TCTN3: variants seen among roughly 807,000 people sequenced by gnomAD.
TCTN3 encodes the protein tectonic family member 3, also known as tectonic-3.
Under a neutral mutation model 71.3 loss-of-function variants are expected in TCTN3, and 57 were observed. That is an observed-to-expected ratio of 0.80 (90% CI 0.65 to 1.00). The LOEUF is 1.00. Among genes scored for constraint, TCTN3 ranks in the 50% least tolerant of loss-of-function variants. The pLI is 0.00. For missense variants in TCTN3, 696 were observed against 719.9 expected (o/e 0.97, Z 0.38); for synonymous variants, 258 against 267.8 (o/e 0.96, Z 0.36).
intron 13 of TCTN3, among the ~76,000 whole-genome samples, chr10:95,668,761 A>G (rs1165635930): frequency 6.6e-6 from 1 of 152,232 alleles, no homozygotes; most frequent in Non-Finnish European, 1.5e-5. Flanking sequence ...AATTCCCTAG[A>G]TGGCAGTACA....
chr10:95,676,014 A>T (rs2097936812), intron 13 of TCTN3, among the ~76,000 whole-genome samples: 1 of 152,226 alleles, frequency 6.6e-6, no homozygotes, highest in African/African-American at 2.4e-5. Context: ...AACCACTAAG[A>T]CAGACAGCTA....
In TCTN3 at chr10:95,693,648, G is replaced by T. The variant is rs2097955838; in HGVS notation, c.252C>A (p.Phe84Leu). ...CCCCACAACGTTTTCCCTCACCTGGGAAGAGGTCCACAGTCCTATTCCCAG... is the reference window on the plus strand; with the variant it reads ...CCCCACAACGTTTTCCCTCACCTGGTAAGAGGTCCACAGTCCTATTCCCAG... ...SAPGNRTVDL[F>L]PVLPICVCDL... The change falls in exon 1 of 14, where the codon TTC (phenylalanine) becomes TTA (leucine). Residue 84 changes from phenylalanine (F) to leucine (L), a missense_variant. Phe to Leu is a conservative substitution (Grantham distance 22). Coordinates refer to ENST00000371217, the MANE Select transcript of TCTN3 (RefSeq NM_015631.6). 6.4e-7 allele frequency: 1 copy of T among 1,550,702 alleles called. No homozygotes were observed. The highest frequency in any genetic ancestry group is 8.7e-7 in the Non-Finnish European group (1 of 1,146,760).
Position 95,663,876 on chromosome 10 carries a change from CT to C in TCTN3, c.*190del. 1 of 560,138 alleles carries C rather than the reference CT, an allele frequency of 1.8e-6. No individual in the cohort carries two copies. Among genetic ancestry groups the C allele is most frequent in the Non-Finnish European group, 3.2e-6 (1 of 316,022 alleles). The allele number at this position is 560,138 out of a possible 1,614,324, so 34.7% of individuals were successfully genotyped here. On this transcript the variant is annotated 3_prime_UTR_variant, in exon 14 of 14. Transcript: ENST00000371217. ...GGCCTGCAGAGCCCAAAGCAGAGAG[CT>C]ATGATGAATAAAATATTTTTATTGC... is the stretch of plus-strand genomic sequence containing the variant.
intron 4 of TCTN3, 76 bp downstream of exon 4, chr10:95,687,516 C>G: frequency 6.3e-7 from 1 of 1,590,414 alleles, no homozygotes; most frequent in Admixed American, 1.8e-5. Flanking sequence ...GGTAGTGCTG[C>G]AAAGTTACCT....
chr10:95,682,519 A>C, intron 12 of TCTN3, 132 bp downstream of exon 12: 2 of 1,089,436 alleles, frequency 1.8e-6, no homozygotes. Flanking sequence ...TCAAGTGGGC[A>C]TGATTTCTTA....
intron 13 of TCTN3, among the ~76,000 whole-genome samples, chr10:95,679,986 G>A (rs1026351650): frequency 1.3e-5 from 2 of 152,176 alleles, no homozygotes; most frequent in Non-Finnish European, 2.9e-5. Flanking sequence ...CTCCTAAGGC[G>A]CATAATAAAC....
intron 13 of TCTN3, among the ~76,000 whole-genome samples, chr10:95,668,486 A>G (rs543474453): frequency 7.2e-5 from 11 of 152,330 alleles, no homozygotes; most frequent in South Asian, 6.2e-4. Context: ...AGACAATGAA[A>G]GAATGCCTTC....
At chr10:95,689,872 G>C (rs923457175) in intron 3 of TCTN3, among the ~76,000 whole-genome samples, 2 of 152,230 alleles carry the variant, frequency 1.3e-5, no homozygotes, top group African/African-American at 4.8e-5. Flanking sequence ...CCAGCTTGCA[G>C]AGCCAAGAGT....
intron 3 of TCTN3, among the ~76,000 whole-genome samples, chr10:95,689,579 T>C (rs1230760806): frequency 2.6e-5 from 4 of 152,232 alleles, no homozygotes; most frequent in African/African-American, 9.6e-5. Context: ...AAAATATCTA[T>C]CTGGCTATTT....
intron 3 of TCTN3, among the ~76,000 whole-genome samples, chr10:95,690,491 G>C (rs931001835): frequency 2.6e-5 from 4 of 152,144 alleles, no homozygotes; most frequent in African/African-American, 9.7e-5. Context: ...GAAAACACTC[G>C]TGGAAAATAT....
intron 3 of TCTN3, among the ~76,000 whole-genome samples, chr10:95,689,995 AATTTT>A (rs1423613223): frequency 6.6e-5 from 10 of 151,914 alleles, no homozygotes; most frequent in Non-Finnish European, 1.5e-4. Flanking sequence ...TATTTTTTTG[AATTTT>A]ATTTTATTTT....
chr10:95,693,417 C>A lies in TCTN3; in HGVS notation c.316G>T (p.Asp106Tyr). ...PGACDINCCC[D>Y]RDCYLLHPRT... ...GGATGGAGAAGATAGCAGTCCCTGT[C>A]GCAGCAGCAATTTATATCGCAGGCT... The change falls in exon 2 of 14, where the codon GAC becomes TAC. Residue 106 changes from aspartate to tyrosine, a missense_variant. Asp to Tyr is a radical substitution (Grantham distance 160). Transcript: ENST00000371217. 1 of 1,552,016 alleles carries A rather than the reference C, an allele frequency of 6.4e-7. No individual in the cohort carries two copies. Among genetic ancestry groups the A allele is most frequent in the Non-Finnish European group, 8.7e-7 (1 of 1,147,064 alleles).
chr10:95,680,425 A>G, intron 13 of TCTN3, 47 bp downstream of exon 13: 1 of 1,557,034 alleles, frequency 6.4e-7, no homozygotes, highest in Non-Finnish European at 8.7e-7. Context: ...TGATAAGACA[A>G]TCTAGGCTTT....
intron 13 of TCTN3, among the ~76,000 whole-genome samples, chr10:95,673,539 A>T (rs1589605915): frequency 6.6e-6 from 1 of 151,326 alleles, no homozygotes; most frequent in East Asian, 1.9e-4. Flanking sequence ...ACCAATTGTT[A>T]AAAAAAAAGA....
intron 13 of TCTN3, 137 bp from the exon 14 acceptor site, chr10:95,664,437 C>T: frequency 4.2e-6 from 3 of 720,374 alleles, no homozygotes; most frequent in Non-Finnish European, 7.1e-6. Flanking sequence ...TCATATTGGT[C>T]CTATGTAGTT....
intron 7 of TCTN3, 81 bp from the exon 8 acceptor site, chr10:95,685,717 T>C: frequency 8.7e-7 from 1 of 1,154,198 alleles, no homozygotes; most frequent in Non-Finnish European, 1.2e-6. Flanking sequence ...CATGCTAAGA[T>C]GAGTATTTTT....
At position 95,677,474 on chromosome 10, in the gene TCTN3, G is replaced by GTTTTTTTTTTTTTTTT. The variant is rs10654251; in HGVS notation, c.1590+2997_1590+2998insAAAAAAAAAAAAAAAA. ...ATACAAGAAGATAGTGAAGTCTACA[G>GTTTTTTTTTTTTTTTT]TTTTTTTTGTTTTTTTTTTTTTTTT... is the stretch of plus-strand genomic sequence containing the variant. On this transcript the variant is annotated intron_variant, in intron 13 of 13. Coordinates refer to ENST00000371217, the MANE Select transcript of TCTN3 (RefSeq NM_015631.6). 1.5e-3 allele frequency among the ~76,000 whole-genome samples: 121 copies of GTTTTTTTTTTTTTTTT among 80,692 alleles called. 12 individuals carry two copies. Among genetic ancestry groups the GTTTTTTTTTTTTTTTT allele is most frequent in the Non-Finnish European group, 2.4e-3 (80 of 33,200 alleles). 52.9% of individuals were successfully genotyped at this position (80,692 alleles called of 152,430 possible).
At chr10:95,684,065 C>G (rs942837960) in intron 9 of TCTN3, among the ~76,000 whole-genome samples, 1 of 152,102 alleles carries the variant, frequency 6.6e-6, no homozygotes, top group Non-Finnish European at 1.5e-5. Context: ...AAAATCTATG[C>G]TGGGTTCAAA....
intron 3 of TCTN3, among the ~76,000 whole-genome samples, chr10:95,691,922 G>C (rs1268786752): frequency 6.6e-6 from 1 of 152,192 alleles, no homozygotes; most frequent in Admixed American, 6.5e-5. Flanking sequence ...AGTCTGTATA[G>C]CTGGTAAGGA....
Sources: gnomAD v4.1 joint callset for allele counts (sites outside exome capture counted in the v4.1 genomes callset) on GRCh38, gnomAD v4.1.1 for gene constraint, MANE v1.5 for transcripts, NCBI Gene and HGNC (gene_info 2026-07-23, HGNC 2026-07-21) for gene names.